RPS6: variants seen among roughly 807,000 people sequenced by gnomAD.
RPS6 encodes ribosomal protein S6.
In RPS6, 1 loss-of-function variant was observed where a neutral mutation model predicts 27.1. That is an observed-to-expected ratio of 0.04 (90% confidence interval 0.01 to 0.18). The LOEUF (loss-of-function observed/expected upper bound fraction) is 0.18, where lower values mean the gene tolerates loss of function less well. Among genes scored for constraint, RPS6 ranks in the 10% least tolerant of loss-of-function variants. The pLI is 1.00. For missense variants in RPS6, 259 were observed against 319.1 expected (o/e 0.81, Z 1.44); for synonymous variants, 152 against 106.0 (o/e 1.43, Z -2.66).
rs1379791312 is a variant in RPS6 at position 19,378,392 on chromosome 9, C to G, written c.472G>C (p.Val158Leu). 6.2e-7 allele frequency: 1 copy of G among 1,612,822 alleles called. No individual in the cohort carries two copies. Among genetic ancestry groups the G allele is most frequent in the African/African-American group, 1.3e-5 (1 of 74,864 alleles). The change falls in exon 4 of 6, where the codon GTA becomes CTA. Residue 158 changes from valine to leucine, a missense_variant. By Grantham distance (32) the Val-to-Leu change is conservative (BLOSUM62 1). Transcript: ENST00000380394. ...SKEDDVRQYV[V>L]RKPLNKEGKK... ...CCTTCTTTATTTAAGGGCTTTCTTA[C>G]AACATACTGGCGGACATCATCTTCT... is the stretch of plus-strand genomic sequence containing the variant.
chr9:19,377,205 T>G (rs1339730933), intron 4 of RPS6, among the ~76,000 whole-genome samples: 1 of 152,196 alleles, frequency 6.6e-6, no homozygotes, highest in Non-Finnish European at 1.5e-5. Context: ...ATTTGTTTCA[T>G]GGACACTTTG....
In RPS6 at chr9:19,378,504, A is replaced by G; in HGVS notation, c.360T>C (p.Asp120=). ...NLVIVKKGEK[D]IPGLTDTTVP... is the part of the protein sequence containing the mutation. Reference sequence around the variant, plus strand: ...CTGTAGTATCAGTCAGTCCAGGAATATCCTTCTCTCCTTAGAAGAAACAGT... The same window carrying G: ...CTGTAGTATCAGTCAGTCCAGGAATGTCCTTCTCTCCTTAGAAGAAACAGT... Residue 120 remains aspartate, a synonymous_variant, in exon 4 of 6, where the codon GAT becomes GAC. Transcript: ENST00000380394. 6.2e-7 allele frequency: 1 copy of G among 1,613,000 alleles called. No individual in the cohort carries two copies. The highest frequency in any genetic ancestry group is 8.5e-7 in the Non-Finnish European group (1 of 1,179,748).
At position 19,376,090 on chromosome 9, in the gene RPS6, G is replaced by A. The variant is rs1172360367; in HGVS notation, c.*203C>T. The A allele has an allele frequency of 6.2e-6, 3 of 480,384 alleles. No homozygotes were observed. The highest frequency in any genetic ancestry group is 3.9e-5 in the African/African-American group (2 of 51,426). The allele number at this position is 480,384 out of a possible 1,614,324, so 29.8% of individuals were successfully genotyped here. Reference sequence around the variant, plus strand: ...TCCCTTCCTGTGCCACCCATCCCCTGAAAGGAACCCCTGTACACTGACCTT... The same window carrying A: ...TCCCTTCCTGTGCCACCCATCCCCTAAAAGGAACCCCTGTACACTGACCTT... On this transcript the variant is annotated 3_prime_UTR_variant, in exon 6 of 6. Coordinates refer to ENST00000380394, the MANE Select transcript of RPS6 (RefSeq NM_001010.3).
At chr9:19,379,829 C>A in intron 1 of RPS6, 2 of 1,426,068 alleles carry the variant, frequency 1.4e-6, no homozygotes, top group Non-Finnish European at 1.8e-6. Context: ...TCCCCTCAAG[C>A]CCCGCGGAAT....
In RPS6 at chr9:19,378,388, C is replaced by T. The variant is rs753060894; in HGVS notation, c.476G>A (p.Arg159Lys). ...KEDDVRQYVV[R>K]KPLNKEGKKP... The stretch of plus-strand genomic sequence containing the variant: ...CCTACCTTCTTTATTTAAGGGCTTT[C>T]TTACAACATACTGGCGGACATCATC... The change falls in exon 4 of 6, where the codon AGA becomes AAA. Residue 159 changes from arginine (R) to lysine (K), a missense_variant. Around this residue, in one of 3 missense-constraint regions of RPS6, gnomAD observed 191 missense variants for 231.6 expected, o/e 0.82. Transcript: ENST00000380394. 8.7e-6 allele frequency: 14 copies of T among 1,612,810 alleles called. No homozygotes were observed. The highest frequency in any genetic ancestry group is 1.2e-5 in the Non-Finnish European group (14 of 1,179,986).
intron 4 of RPS6, 81 bp from the exon 5 acceptor site, chr9:19,376,732 G>A (rs1829594576): frequency 2.1e-6 from 3 of 1,400,578 alleles, no homozygotes; most frequent in Non-Finnish European, 1.9e-6. Flanking sequence ...AGAAATAAAC[G>A]TAAGCTTAAC....
At chr9:19,379,787 A>G (rs1353394657) in intron 1 of RPS6, 169 bp from the exon 2 acceptor site, 1 of 1,453,696 alleles carries the variant, frequency 6.9e-7, no homozygotes. Context: ...GCAGAGTAGC[A>G]GTCAAGAAGC....
intron 2 of RPS6, 41 bp downstream of exon 2, chr9:19,379,446 G>A (rs757378785): frequency 1.2e-6 from 2 of 1,612,434 alleles, no homozygotes; most frequent in Non-Finnish European, 1.7e-6. Context: ...GGCGTTTACC[G>A]TCTCTGACTT....
chr9:19,380,077 C>T, intron 1 of RPS6, 113 bp downstream of exon 1: 1 of 1,611,556 alleles, frequency 6.2e-7, no homozygotes, highest in Non-Finnish European at 8.5e-7. Flanking sequence ...CTACTTGAGA[C>T]CCTTCTCCAC....
intron 1 of RPS6, 76 bp from the exon 2 acceptor site, chr9:19,379,694 T>C: frequency 2.6e-6 from 4 of 1,528,196 alleles, no homozygotes; most frequent in Non-Finnish European, 3.5e-6. Flanking sequence ...CAAAGTTAAT[T>C]CCACTGCAAA....
rs1016780099 is a variant in RPS6 at position 19,376,020 on chromosome 9, T to G, written c.*273A>C. On this transcript the variant is annotated 3_prime_UTR_variant, in exon 6 of 6. Transcript: ENST00000380394. ...GATTAATAGTCCTCATCATTTCCCCTAAGTTCCATGCCATTCTGAAGAGGC... is the reference window on the plus strand; with the variant it reads ...GATTAATAGTCCTCATCATTTCCCCGAAGTTCCATGCCATTCTGAAGAGGC... 2 of 315,200 alleles carry G rather than the reference T, an allele frequency of 6.3e-6. No individual in the cohort carries two copies. Among genetic ancestry groups the G allele is most frequent in the African/African-American group, 4.2e-5 (2 of 47,252 alleles). The allele number at this position is 315,200 out of a possible 1,614,324, so 19.5% of individuals were successfully genotyped here. A position where few individuals can be genotyped will look rare whatever the true frequency, so the allele number is the denominator to read the frequency against.
At chr9:19,380,126 G>A in intron 1 of RPS6, 64 bp downstream of exon 1, 1 of 1,614,110 alleles carries the variant, frequency 6.2e-7, no homozygotes, top group Non-Finnish European at 8.5e-7. Flanking sequence ...CTGAGGCAAT[G>A]CCGCGTTCTG....
intron 1 of RPS6, chr9:19,379,851 C>T (rs1829650016): frequency 2.5e-5 from 36 of 1,424,126 alleles, no homozygotes; most frequent in South Asian, 4.6e-5. Flanking sequence ...ACTCTGGGGG[C>T]GAGGGCACTC....
chr9:19,379,727 A>G (rs1484214606), intron 1 of RPS6, 109 bp from the exon 2 acceptor site: 2 of 1,509,012 alleles, frequency 1.3e-6, no homozygotes, highest in Non-Finnish European at 1.8e-6. Context: ...TTGCCTCCAC[A>G]CAAGCAGGAA....
At chr9:19,377,180 G>C (rs1246426114) in intron 4 of RPS6, among the ~76,000 whole-genome samples, 2 of 152,160 alleles carry the variant, frequency 1.3e-5, no homozygotes, top group African/African-American at 2.4e-5. Context: ...TTGGAGCATA[G>C]GCCTTTTCAG....
intron 2 of RPS6, 197 bp from the exon 3 acceptor site, chr9:19,379,115 C>G: frequency 5.3e-6 from 4 of 761,866 alleles, no homozygotes; most frequent in Non-Finnish European, 8.2e-6. Context: ...AAATGTCTTT[C>G]AAGTCGCATT....
chr9:19,376,526 C>G lies in RPS6; in HGVS notation c.622G>C (p.Glu208Gln), dbSNP rs1200038173. The change falls in exon 5 of 6, where the codon GAA becomes CAA. Residue 208 changes from glutamate (E) to glutamine (Q), a missense_variant. Physicochemically the swap from Glu to Gln is conservative, Grantham distance 29. Coordinates refer to ENST00000380394, the MANE Select transcript of RPS6 (RefSeq NM_001010.3). Reference sequence around the variant, plus strand: ...CTCTTGGCCAAAAGTTTAGCATATTCTGCAGCCTCTTCTTTATTTTTCTTG... The same window carrying G: ...CTCTTGGCCAAAAGTTTAGCATATTGTGCAGCCTCTTCTTTATTTTTCTTG... Reference protein sequence around the residue: ...RTKKNKEEAAEYAKLLAKRMK... With the variant: ...RTKKNKEEAAQYAKLLAKRMK... The G allele has an allele frequency of 6.2e-7, 1 of 1,614,144 alleles. No homozygotes were observed. Among genetic ancestry groups the G allele is most frequent in the Non-Finnish European group, 8.5e-7 (1 of 1,180,026 alleles).
rs371964146 is a variant in RPS6 at position 19,378,763 on chromosome 9, A to T, written c.294T>A (p.Arg98=). 5.3e-5 allele frequency: 86 copies of T among 1,614,036 alleles called. No individual in the cohort carries two copies. Among genetic ancestry groups the T allele is most frequent in the Non-Finnish European group, 6.8e-5 (80 of 1,180,036 alleles). The change falls in exon 3 of 6, where the codon CGT becomes CGA. Residue 98 remains arginine (R), a synonymous_variant. Transcript: ENST00000380394. The part of the protein sequence containing the change: ...RTGERKRKSV[R]GCIVDANLSV... Reference sequence around the variant, plus strand: ...TCAGATTTGCATCCACAATGCAACCACGAACTGATTTTCTCTTTCTTTCTC... The same window carrying T: ...TCAGATTTGCATCCACAATGCAACCTCGAACTGATTTTCTCTTTCTTTCTC...
rs1433185131 is a variant in RPS6, at chr9:19,375,735, G to GT, written c.*557dup. The GT allele has an allele frequency of 6.6e-6, 1 of 152,188 alleles. No homozygotes were observed. The highest frequency in any genetic ancestry group is 1.9e-4 in the East Asian group (1 of 5,194). 9.4% of individuals were successfully genotyped at this position (152,188 alleles called of 1,614,324 possible). A position where few individuals can be genotyped will look rare whatever the true frequency, so the allele number is the denominator to read the frequency against. On this transcript the variant is annotated 3_prime_UTR_variant, in exon 6 of 6. Transcript: ENST00000380394. ...GTGCATTTTTCACTGATCCAAGAAT[G>GT]TTTTTAGTCATTTCCTTTTCAGTGT...
Sources: allele counts gnomAD v4.1 joint callset (sites outside exome capture counted in the v4.1 genomes callset), GRCh38; gene constraint gnomAD v4.1.1; regional missense constraint gnomAD v4.1.1; transcripts MANE v1.5; gene names NCBI Gene and HGNC (gene_info 2026-07-23, HGNC 2026-07-21).